The following VDR variants were observed in gnomAD, a reference collection of about 807,000 sequenced individuals.
VDR encodes the protein vitamin D receptor.
VDR carries 19 observed loss-of-function variants against 39.7 expected under a neutral mutation model. That is an observed-to-expected ratio of 0.48 (90% CI 0.33 to 0.70). The LOEUF (loss-of-function observed/expected upper bound fraction) is 0.70, where lower values mean the gene tolerates loss of function less well. VDR is among the 30% of genes least tolerant of loss of function. VDR has a pLI of 0.02. For synonymous variants in VDR, 242 were observed against 215.8 expected (o/e 1.12, Z -1.07); for missense variants, 442 against 570.5 (o/e 0.77, Z 2.29).
intron 5 of VDR, 39 bp from the exon 6 acceptor site, chr12:47,857,288 G>T (rs759941951): frequency 6.2e-7 from 1 of 1,613,808 alleles, no homozygotes; most frequent in Non-Finnish European, 8.5e-7. Context: ...CACATTTTGG[G>T]GTTGCCTTCC....
chr12:47,855,533 T>TA (rs900658929), intron 7 of VDR, 97 bp downstream of exon 7: 17 of 1,436,110 alleles, frequency 1.2e-5, no homozygotes, highest in African/African-American at 1.4e-5. Context: ...AAATAAAAAA[T>TA]AAAAAAAAGA....
intron 7 of VDR, among the ~76,000 whole-genome samples, chr12:47,854,918 T>C (rs1370811149): frequency 6.6e-6 from 1 of 152,256 alleles, no homozygotes; most frequent in Non-Finnish European, 1.5e-5. Flanking sequence ...GGAGGCTGGC[T>C]GCTGTGGCTC....
chr12:47,845,290 C>T (rs1027219134), intron 9 of VDR, among the ~76,000 whole-genome samples: 4 of 151,854 alleles, frequency 2.6e-5, no homozygotes, highest in African/African-American at 7.3e-5. Flanking sequence ...CGTCCCGATG[C>T]GCCATGCTCT....
At position 47,855,476 on chromosome 12, in the gene VDR, C is replaced by T. The variant is rs11168265; in HGVS notation, c.755+154G>A. 0.34 allele frequency among the ~76,000 whole-genome samples: 52,242 copies of T among 151,606 alleles called. 9,469 individuals are homozygous for T. Among genetic ancestry groups the T allele is most frequent in the South Asian group, 0.45 (2,175 of 4,808 alleles). ...CGGAGGTTGCAGTGAGCCGAGATCG[C>T]GCCACTGCACTCCAGCCTGCGTGAC... is the stretch of plus-strand genomic sequence containing the variant. On this transcript the variant is annotated intron_variant, in intron 7 of 9. Transcript: ENST00000549336.
intron 3 of VDR, among the ~76,000 whole-genome samples, chr12:47,868,398 G>A (rs566617515): frequency 1.1e-4 from 17 of 152,310 alleles, no homozygotes; most frequent in Admixed American, 3.9e-4. Context: ...AGTCTAGCCC[G>A]CCTCAGGCCC....
chr12:47,865,141 G>A lies in VDR; in HGVS notation c.183C>T (p.Pro61=), dbSNP rs1430793337. The change falls in exon 4 of 10, where the codon CCC becomes CCT. Residue 61 remains proline, a synonymous_variant. Transcript: ENST00000549336. ...TGGTGATGCGGCAGTCCCCGTTGAA[G>A]GGGCAGGTGAATAGTGCCTTCCGCT... The part of the protein sequence containing the change: ...SMKRKALFTC[P]FNGDCRITKD... 1 of 1,613,482 alleles carries A rather than the reference G, an allele frequency of 6.2e-7. No homozygotes were observed. Among genetic ancestry groups the A allele is most frequent in the Non-Finnish European group, 8.5e-7 (1 of 1,179,642 alleles).
chr12:47,890,854 A>T (rs1264291198), intron 1 of VDR, among the ~76,000 whole-genome samples: 1 of 152,018 alleles, frequency 6.6e-6, no homozygotes, highest in East Asian at 1.9e-4. Context: ...ATGTCTACAG[A>T]TGTGGTCAGT....
At chr12:47,871,170 G>A (rs1033941600) in intron 3 of VDR, among the ~76,000 whole-genome samples, 6 of 152,170 alleles carry the variant, frequency 3.9e-5, no homozygotes, top group Admixed American at 3.9e-4. Context: ...TATTTATCCT[G>A]TGGGTAGATC....
chr12:47,878,045 A>C (rs1285987960), intron 3 of VDR, among the ~76,000 whole-genome samples: 1 of 152,188 alleles, frequency 6.6e-6, no homozygotes, highest in African/African-American at 2.4e-5. Flanking sequence ...TGTGCCCCCA[A>C]GGCGAGGAGA....
At chr12:47,869,072 GC>G (rs1183292742) in intron 3 of VDR, among the ~76,000 whole-genome samples, 3 of 152,140 alleles carry the variant, frequency 2.0e-5, no homozygotes, top group Non-Finnish European at 2.9e-5. Context: ...CTTGGGGGCA[GC>G]CCCCCCAGCT....
chr12:47,852,478 A>T (rs886746470), intron 7 of VDR, among the ~76,000 whole-genome samples: 6 of 152,202 alleles, frequency 3.9e-5, no homozygotes, highest in Admixed American at 3.9e-4. Flanking sequence ...CTGGGCTCAG[A>T]GCAATGCCGG....
At position 47,843,225 on chromosome 12, in the gene VDR, G is replaced by C. The variant is rs1945205467; in HGVS notation, c.*1521C>G. 6.6e-6 allele frequency: 1 copy of C among 152,336 alleles called. No individual in the cohort carries two copies. The highest frequency in any genetic ancestry group is 1.5e-5 in the Non-Finnish European group (1 of 68,034). The allele number at this position is 152,336 out of a possible 1,614,324, so 9.4% of individuals were successfully genotyped here. A position where few individuals can be genotyped will look rare whatever the true frequency, so the allele number is the denominator to read the frequency against. On this transcript the variant is annotated 3_prime_UTR_variant, in exon 10 of 10. Coordinates refer to ENST00000549336, the MANE Select transcript of VDR (RefSeq NM_000376.3). Reference sequence around the variant, plus strand: ...CCAGGTGGACACCAAGGCTCTTGCAGTGTGAAGTCTGATTCCTCTCTGGGT... The same window carrying C: ...CCAGGTGGACACCAAGGCTCTTGCACTGTGAAGTCTGATTCCTCTCTGGGT...
intron 2 of VDR, among the ~76,000 whole-genome samples, chr12:47,880,084 T>C (rs1207347665): frequency 3.3e-5 from 5 of 152,172 alleles, no homozygotes; most frequent in African/African-American, 1.2e-4. Flanking sequence ...TGCCCTGAAA[T>C]GCTTTCAGAC....
At position 47,891,990 on chromosome 12, in the gene VDR, C is replaced by T. The variant is rs188461488; in HGVS notation, c.-83-9216G>A. ...AGGGGCTGGAGTCAGGAGGTGGCAG[C>T]GAGAACCGTGGAAGCCCTGGCAGAA... On this transcript the variant is annotated intron_variant, in intron 1 of 9. Coordinates refer to ENST00000549336, the MANE Select transcript of VDR (RefSeq NM_000376.3). Among the ~76,000 whole-genome samples the T allele has an allele frequency of 2.1e-3, 322 of 152,140 alleles. 7 individuals carry two copies. The South Asian group carries it at 0.049, about 23-fold the overall frequency.
intron 3 of VDR, among the ~76,000 whole-genome samples, chr12:47,872,392 GAAAGTAGATTTT>G (rs910131284): frequency 2.6e-5 from 4 of 152,208 alleles, no homozygotes; most frequent in Non-Finnish European, 5.9e-5. Context: ...GAGAGTGGGT[GAAAGTAGATTTT>G]AAAGTAGATT....
In VDR at chr12:47,882,619, T is replaced by G. The variant is rs1051046400; in HGVS notation, c.-3+75A>C. On this transcript the variant is annotated intron_variant, in intron 2 of 9. Transcript: ENST00000549336. ...CTTCCTTCCCCTGCCCACCACCTTC[T>G]TATGCCCCTCCCCCCCACCCCGCCC... 2.1e-5 allele frequency: 14 copies of G among 652,372 alleles called. 1 individual carries two copies. The African/African-American group carries it at 2.6e-4, about 12-fold the overall frequency. 40.4% of individuals were successfully genotyped at this position (652,372 alleles called of 1,614,324 possible). A position where few individuals can be genotyped will look rare whatever the true frequency, so the allele number is the denominator to read the frequency against.
At chr12:47,902,820 C>T (rs1208366411) in intron 1 of VDR, among the ~76,000 whole-genome samples, 1 of 152,162 alleles carries the variant, frequency 6.6e-6, no homozygotes, top group Non-Finnish European at 1.5e-5. Flanking sequence ...CTTAGATAAC[C>T]ACCTGATGTA....
chr12:47,861,494 A>G (rs1411545956), intron 4 of VDR, among the ~76,000 whole-genome samples: 1 of 152,260 alleles, frequency 6.6e-6, no homozygotes, highest in East Asian at 1.9e-4. Flanking sequence ...ACTGTGATTT[A>G]CGAAATAATT....
At chr12:47,860,995 G>A (rs2283343) in intron 4 of VDR, among the ~76,000 whole-genome samples, 72,900 of 152,168 alleles carry the variant, frequency 0.48, 17,696 homozygotes, top group Non-Finnish European at 0.5. Flanking sequence ...GGCAGGTGCT[G>A]TTGTTATTCC....
Sources: allele counts gnomAD v4.1 joint callset (sites outside exome capture counted in the v4.1 genomes callset), GRCh38; gene constraint gnomAD v4.1.1; transcripts MANE v1.5; gene names NCBI Gene and HGNC (gene_info 2026-07-23, HGNC 2026-07-21).